Variants in SGMS1 observed in about 807,000 individuals in gnomAD.
The protein encoded by SGMS1 is phosphatidylcholine:ceramide cholinephosphotransferase 1.
In SGMS1, 13 loss-of-function variants were observed where a neutral mutation model predicts 46.2. That is an observed-to-expected ratio of 0.28 (90% CI 0.18 to 0.45). The LOEUF is 0.45. Among genes scored for constraint, SGMS1 ranks in the 20% least tolerant of loss-of-function variants. SGMS1 has a pLI of 1.00. For synonymous variants in SGMS1, 203 were observed against 187.8 expected (o/e 1.08, Z -0.66); for missense variants, 324 against 519.9 (o/e 0.62, Z 3.66).
At chr10:50,409,880 A>C (rs756236546) in intron 6 of SGMS1, among the ~76,000 whole-genome samples, 2 of 152,338 alleles carry the variant, frequency 1.3e-5, no homozygotes, top group Non-Finnish European at 2.9e-5. Context: ...AACTATATAC[A>C]GCCTATTATC....
rs149036487 is a variant in SGMS1, at chr10:50,305,925, T to G, written c.*1217A>C. On this transcript the variant is annotated 3_prime_UTR_variant, in exon 11 of 11. Transcript: ENST00000361781. ...TAGAATACTTCCCCAAACATATGTA[T>G]GTTAGGAGTAAAACTTAGAGTTACA... 1 of 152,700 alleles carries G rather than the reference T, an allele frequency of 6.5e-6. No individual in the cohort carries two copies. The highest frequency in any genetic ancestry group is 1.5e-5 in the Non-Finnish European group (1 of 68,004). The allele number at this position is 152,700 out of a possible 1,614,324, so 9.5% of individuals were successfully genotyped here. A position where few individuals can be genotyped will look rare whatever the true frequency, so the allele number is the denominator to read the frequency against.
At chr10:50,447,771 C>G (rs1837041175) in intron 5 of SGMS1, among the ~76,000 whole-genome samples, 1 of 152,088 alleles carries the variant, frequency 6.6e-6, no homozygotes, top group Non-Finnish European at 1.5e-5. Flanking sequence ...TACTTCAAAT[C>G]TACTCTTTTA....
chr10:50,381,299 A>C (rs532505993), intron 6 of SGMS1, among the ~76,000 whole-genome samples: 7 of 152,276 alleles, frequency 4.6e-5, no homozygotes, highest in African/African-American at 1.7e-4. Flanking sequence ...AGAAAAAAAA[A>C]ATCCGTAACA....
chr10:50,517,707 A>G (rs1472631804), intron 3 of SGMS1, among the ~76,000 whole-genome samples: 2 of 152,120 alleles, frequency 1.3e-5, no homozygotes, highest in Non-Finnish European at 2.9e-5. Flanking sequence ...CAGAATTCTT[A>G]AAAGAAAGCT....
At chr10:50,372,704 A>AAAAACAC (rs1848459510) in intron 6 of SGMS1, among the ~76,000 whole-genome samples, 1 of 152,100 alleles carries the variant, frequency 6.6e-6, no homozygotes, top group Non-Finnish European at 1.5e-5. Context: ...AAAAAAAACA[A>AAAAACAC]AAAACACACA....
chr10:50,450,503 A>G lies in SGMS1; in HGVS notation c.-313+10170T>C, dbSNP rs187635433. Among the ~76,000 whole-genome samples the G allele has an allele frequency of 2.9e-3, 438 of 152,336 alleles. 4 individuals are homozygous for G. Among genetic ancestry groups the G allele is most frequent in the Non-Finnish European group, 5.0e-3 (343 of 68,020 alleles). ...TGCTTTTCTGACTGTATGGGAGTCT[A>G]TAAGTGAGTATACTAATAATTAATA... On this transcript the variant is annotated intron_variant, in intron 5 of 10. Transcript: ENST00000361781.
At chr10:50,325,523 A>T (rs1847517060) in intron 8 of SGMS1, among the ~76,000 whole-genome samples, 1 of 152,178 alleles carries the variant, frequency 6.6e-6, no homozygotes, top group Admixed American at 6.5e-5. Flanking sequence ...TCCTGCTGCT[A>T]CTTCTGTGTT....
chr10:50,581,539 G>T (rs1275087919), intron 2 of SGMS1, among the ~76,000 whole-genome samples: 3 of 152,178 alleles, frequency 2.0e-5, no homozygotes, highest in Non-Finnish European at 4.4e-5. Context: ...ATGGGGTCAG[G>T]TTAAAGGCAA....
chr10:50,559,925 A>T (rs2131836312), intron 2 of SGMS1, among the ~76,000 whole-genome samples: 1 of 152,206 alleles, frequency 6.6e-6, no homozygotes, highest in East Asian at 1.9e-4. Context: ...AAAGTTTGTT[A>T]AAATAGAAGA....
At chr10:50,624,829 C>T (rs578251731), upstream of SGMS1, 3 of 986,892 alleles carry the variant, frequency 3.0e-6, no homozygotes, top group African/African-American at 5.2e-5. Flanking sequence ...CGCCGCACCT[C>T]GGTGGCCTAC....
chr10:50,401,705 C>T (rs1358521892), intron 6 of SGMS1, among the ~76,000 whole-genome samples: 1 of 152,214 alleles, frequency 6.6e-6, no homozygotes, highest in African/African-American at 2.4e-5. Context: ...CAACATTAGG[C>T]TTCTATTTTT....
At chr10:50,356,510 C>T (rs1225538603) in intron 6 of SGMS1, among the ~76,000 whole-genome samples, 1 of 151,818 alleles carries the variant, frequency 6.6e-6, no homozygotes, top group Non-Finnish European at 1.5e-5. Flanking sequence ...CACTATTGTC[C>T]TATGACCCTG....
At chr10:50,615,895 G>A in intron 1 of SGMS1, among the ~76,000 whole-genome samples, 1 of 152,056 alleles carries the variant, frequency 6.6e-6, no homozygotes, top group Non-Finnish European at 1.5e-5. Flanking sequence ...TTCTCTAATT[G>A]TTTCTTGCAC....
chr10:50,490,839 T>C (rs911993735), intron 3 of SGMS1, among the ~76,000 whole-genome samples: 1 of 152,146 alleles, frequency 6.6e-6, no homozygotes, highest in Admixed American at 6.5e-5. Context: ...TATTGATAAG[T>C]GCTCAGTGGG....
At chr10:50,364,824 C>T (rs1848307655) in intron 6 of SGMS1, among the ~76,000 whole-genome samples, 1 of 152,180 alleles carries the variant, frequency 6.6e-6, no homozygotes. Context: ...TCTCTCTTAG[C>T]ATGTTTCTGC....
chr10:50,578,623 T>A (rs1244863560), intron 2 of SGMS1, among the ~76,000 whole-genome samples: 1 of 152,264 alleles, frequency 6.6e-6, no homozygotes, highest in South Asian at 2.1e-4. Context: ...TAAAAAATAA[T>A]AGAACACCAA....
Position 50,346,990 on chromosome 10 carries a change from C to T in SGMS1, c.-231-2645G>A, listed in dbSNP as rs545035517. ...GTCCCAATCTTACTCTGAGAGTCCA[C>T]TCTCAGTTTTTCAGTCCATATAACA... On this transcript the variant is annotated intron_variant, in intron 6 of 10. Coordinates refer to ENST00000361781, the MANE Select transcript of SGMS1 (RefSeq NM_147156.4). 3.9e-5 allele frequency among the ~76,000 whole-genome samples: 6 copies of T among 152,264 alleles called. No homozygotes were observed. In the East Asian group the frequency reaches 5.8e-4, roughly 15 times the overall value.
At chr10:50,625,061 C>T, upstream of SGMS1, 2 of 995,294 alleles carry the variant, frequency 2.0e-6, no homozygotes, top group Non-Finnish European at 2.4e-6. Context: ...GGACTCTGGC[C>T]ACCGCTCGGC....
chr10:50,406,652 T>C (rs1010692387), intron 6 of SGMS1, among the ~76,000 whole-genome samples: 2 of 152,172 alleles, frequency 1.3e-5, no homozygotes, highest in African/African-American at 4.8e-5. Flanking sequence ...TTCTGTTTAC[T>C]TTTTATTAGC....
Sources: gnomAD v4.1 joint callset for allele counts (sites outside exome capture counted in the v4.1 genomes callset) on GRCh38, gnomAD v4.1.1 for gene constraint, MANE v1.5 for transcripts, NCBI Gene and HGNC (gene_info 2026-07-23, HGNC 2026-07-21) for gene names.